The following BPIFC variants were observed in gnomAD, a reference collection of about 807,000 sequenced individuals.
The protein encoded by BPIFC is BPI fold-containing family C protein.
A neutral mutation model predicts 57.6 loss-of-function variants in BPIFC; 60 were observed. That is an observed-to-expected ratio of 1.04 (90% CI 0.85 to 1.29). BPIFC has a LOEUF of 1.29. Among genes scored for constraint, BPIFC ranks in the 50% most tolerant of loss-of-function variants. The pLI, the probability that BPIFC is intolerant of heterozygous loss-of-function variation, is 0.00. For synonymous variants in BPIFC, 243 were observed against 224.5 expected (o/e 1.08, Z -0.74); for missense variants, 581 against 600.5 (o/e 0.97, Z 0.34).
intron 10 of BPIFC, 33 bp downstream of exon 10, chr22:32,435,671 T>C: frequency 1.3e-6 from 2 of 1,588,688 alleles, no homozygotes; most frequent in South Asian, 2.3e-5. Context: ...TGAATGATGG[T>C]GACCATTGAC....
At chr22:32,446,959 A>G (rs1934746860) in intron 5 of BPIFC, 1 of 423,976 alleles carries the variant, frequency 2.4e-6, no homozygotes, top group African/African-American at 2.2e-5. Context: ...ATAGTCAGGG[A>G]CTTCTAGTTC....
chr22:32,464,291 T>G, intron 1 of BPIFC, 83 bp downstream of exon 1: 5 of 586,464 alleles, frequency 8.5e-6, no homozygotes, highest in Non-Finnish European at 1.1e-5. Context: ...AGCTGCCTGT[T>G]CAAAGTGTCC....
chr22:32,414,414 C>T lies in BPIFC; in HGVS notation c.1413G>A (p.Leu471=). Residue 471 remains leucine, a synonymous_variant, in exon 17 of 17, where the codon TTG becomes TTA. Coordinates refer to ENST00000300399, the MANE Select transcript of BPIFC (RefSeq NM_174932.3). ...SDIEVLEGFL[L]ISTDLKYETS... Reference sequence around the variant, plus strand: ...TTTCATACTTCAGGTCGGTGGAAATCAAAAGGAAACCCTGGAAAGGATGTG... The same window carrying T: ...TTTCATACTTCAGGTCGGTGGAAATTAAAAGGAAACCCTGGAAAGGATGTG... 2 of 1,613,492 alleles carry T rather than the reference C, an allele frequency of 1.2e-6. No homozygotes were observed. The highest frequency in any genetic ancestry group is 1.7e-6 in the Non-Finnish European group (2 of 1,179,678).
At chr22:32,457,216 C>T (rs965685386) in intron 3 of BPIFC, 47 bp downstream of exon 3, 8 of 1,562,338 alleles carry the variant, frequency 5.1e-6, no homozygotes, top group Middle Eastern at 1.7e-4. Context: ...GGTCACAGAC[C>T]CCACCTAGTG....
chr22:32,416,061 AGACT>A, intron 15 of BPIFC, 70 bp from the exon 16 acceptor site: 5 of 879,542 alleles, frequency 5.7e-6, no homozygotes, highest in Non-Finnish European at 8.5e-6. Flanking sequence ...TTTTAGTAAG[AGACT>A]GACTGACAGC....
rs1438521064 is a variant in BPIFC, at chr22:32,414,309, G to A, written c.1518C>T (p.Ala506=). The A allele has an allele frequency of 2.5e-6, 4 of 1,613,028 alleles. No homozygotes were observed. The highest frequency in any genetic ancestry group is 1.1e-5 in the South Asian group (1 of 90,838). ...GTGAATTGCAAACCGGCAATCAAGG[G>A]GCTGACTTCCCCCTCCACTGTCTGC... ...LISRQWRGKS[A]P The change falls in exon 17 of 17, where the codon GCC becomes GCT. Residue 506 remains alanine (A), a synonymous_variant. Coordinates refer to ENST00000300399, the MANE Select transcript of BPIFC (RefSeq NM_174932.3).
At chr22:32,424,922 C>A (rs981411531) in intron 13 of BPIFC, among the ~76,000 whole-genome samples, 6 of 151,368 alleles carry the variant, frequency 4.0e-5, no homozygotes, top group Non-Finnish European at 8.8e-5. Context: ...GCTGGGATTA[C>A]AGGCATGCAC....
At chr22:32,454,281 T>C (rs1934979101) in intron 3 of BPIFC, among the ~76,000 whole-genome samples, 1 of 152,192 alleles carries the variant, frequency 6.6e-6, no homozygotes. Flanking sequence ...TGGCCTGTGG[T>C]TCTTGGGCTG....
intron 8 of BPIFC, among the ~76,000 whole-genome samples, chr22:32,438,578 G>A (rs2145939364): frequency 6.6e-6 from 1 of 152,206 alleles, no homozygotes; most frequent in South Asian, 2.1e-4. Flanking sequence ...TTTTAGTAGA[G>A]ACAGCGTTTC....
chr22:32,461,039 C>T (rs140682375), intron 2 of BPIFC, among the ~76,000 whole-genome samples: 7 of 152,194 alleles, frequency 4.6e-5, no homozygotes, highest in South Asian at 2.1e-4. Context: ...AGGCATCCAT[C>T]GAAACAGATG....
At chr22:32,441,887 C>T (rs1934575131) in intron 8 of BPIFC, among the ~76,000 whole-genome samples, 1 of 152,174 alleles carries the variant, frequency 6.6e-6, no homozygotes, top group African/African-American at 2.4e-5. Context: ...GATCATCAGG[C>T]ATTAGATTCC....
chr22:32,455,050 C>CTTTTTTTT (rs1392514246), intron 3 of BPIFC, among the ~76,000 whole-genome samples: 8 of 134,148 alleles, frequency 6.0e-5, no homozygotes, highest in Non-Finnish European at 6.2e-5. Context: ...TTTTCATCTC[C>CTTTTTTTT]ATTTTTTTTT....
intron 13 of BPIFC, among the ~76,000 whole-genome samples, chr22:32,427,732 T>C (rs1447441428): frequency 6.6e-6 from 1 of 152,192 alleles, no homozygotes; most frequent in East Asian, 1.9e-4. Context: ...ATCACACCTG[T>C]AATCCCAGCA....
chr22:32,429,609 C>T (rs769278464), intron 13 of BPIFC, among the ~76,000 whole-genome samples: 7 of 150,860 alleles, frequency 4.6e-5, no homozygotes, highest in South Asian at 2.1e-4. Context: ...CTCCACCTCC[C>T]GGCTTCAAGC....
intron 3 of BPIFC, among the ~76,000 whole-genome samples, chr22:32,454,493 C>T (rs146182871): frequency 3.9e-5 from 6 of 152,158 alleles, no homozygotes; most frequent in African/African-American, 1.2e-4. Flanking sequence ...AAGCATCACA[C>T]GACACATTTC....
chr22:32,414,333 G>C lies in BPIFC; in HGVS notation c.1494C>G (p.Ser498Arg). ...FHVWEGLNLI[S>R]RQWRGKSAP is the part of the protein sequence containing the mutation. ...GGGCTGACTTCCCCCTCCACTGTCT[G>C]CTTATCAGGTTCAGACCTTCCCATA... The change falls in exon 17 of 17, where the codon AGC (serine) becomes AGG (arginine). Residue 498 changes from serine (S) to arginine (R), a missense_variant. Coordinates refer to ENST00000300399, the MANE Select transcript of BPIFC (RefSeq NM_174932.3). 1 of 1,613,872 alleles carries C rather than the reference G, an allele frequency of 6.2e-7. No homozygotes were observed. The highest frequency in any genetic ancestry group is 8.5e-7 in the Non-Finnish European group (1 of 1,179,840).
At chr22:32,449,775 C>T (rs898835835) in intron 4 of BPIFC, among the ~76,000 whole-genome samples, 1 of 151,210 alleles carries the variant, frequency 6.6e-6, no homozygotes, top group Non-Finnish European at 1.5e-5. Flanking sequence ...CACTCTGTCG[C>T]CCGGGCTGGA....
intron 15 of BPIFC, 49 bp downstream of exon 15, chr22:32,417,036 T>A: frequency 7.0e-7 from 1 of 1,433,586 alleles, no homozygotes; most frequent in Non-Finnish European, 9.8e-7. Context: ...ATGCAGATGT[T>A]AAATGTTAGC....
intron 3 of BPIFC, 118 bp from the exon 4 acceptor site, chr22:32,453,621 G>A (rs1298306695): frequency 7.9e-7 from 1 of 1,271,792 alleles, no homozygotes; most frequent in African/African-American, 1.5e-5. Context: ...CTTAGAAAAT[G>A]GCAACCCCAC....
Sources: gnomAD v4.1 joint callset for allele counts (sites outside exome capture counted in the v4.1 genomes callset) on GRCh38, gnomAD v4.1.1 for gene constraint, MANE v1.5 for transcripts, NCBI Gene and HGNC (gene_info 2026-07-23, HGNC 2026-07-21) for gene names.